The following TAOK3 variants were observed in gnomAD, a reference collection of about 807,000 sequenced individuals.
TAOK3 encodes the protein serine/threonine-protein kinase TAO3.
A neutral mutation model predicts 120.4 loss-of-function variants in TAOK3; 40 were observed. That is an observed-to-expected ratio of 0.33 (90% CI 0.26 to 0.43). The LOEUF (loss-of-function observed/expected upper bound fraction) is 0.43. TAOK3 is among the 20% of genes least tolerant of loss of function. TAOK3 has a pLI of 1.00. For synonymous variants in TAOK3, 355 were observed against 387.5 expected, an observed-to-expected ratio of 0.92 and a Z score of 0.99; for missense variants, 821 against 1,112.1, an observed-to-expected ratio of 0.74 and a Z score of 3.72.
At chr12:118,217,809 G>A (rs1446336907) in intron 9 of TAOK3, among the ~76,000 whole-genome samples, 9 of 76,296 alleles carry the variant, frequency 1.2e-4, no homozygotes, top group Admixed American at 9.6e-4. Flanking sequence ...GTGTGTGTGT[G>A]TGTATACATA....
At chr12:118,286,278 T>G (rs1264664211) in intron 1 of TAOK3, among the ~76,000 whole-genome samples, 3 of 152,158 alleles carry the variant, frequency 2.0e-5, no homozygotes, top group African/African-American at 7.2e-5. Flanking sequence ...AGAAGCTAGG[T>G]TGAATTCCTA....
chr12:118,196,097 A>AT lies in TAOK3; in HGVS notation c.1194+2953_1194+2954insA, dbSNP rs71069428. ...AATAAATAAATAAATAAATAAATAA[A>AT]AGGAAGTTTGGATTAGGATCCCCTC... is the stretch of plus-strand genomic sequence containing the variant. On this transcript the variant is annotated intron_variant, in intron 13 of 20. Coordinates refer to ENST00000392533, the MANE Select transcript of TAOK3 (RefSeq NM_016281.4). Among the ~76,000 whole-genome samples, 272 of 150,860 alleles carry AT rather than the reference A, an allele frequency of 1.8e-3. 1 individual carries two copies. Among genetic ancestry groups the AT allele is most frequent in the Non-Finnish European group, 3.2e-3 (214 of 67,578 alleles).
intron 13 of TAOK3, 84 bp downstream of exon 13, chr12:118,198,967 G>A: frequency 6.7e-7 from 1 of 1,500,816 alleles, no homozygotes; most frequent in Non-Finnish European, 9.3e-7. Context: ...AAAGGTAACT[G>A]AAACATCTGG....
chr12:118,362,648 T>C (rs922995775), intron 1 of TAOK3, among the ~76,000 whole-genome samples: 12 of 152,208 alleles, frequency 7.9e-5, no homozygotes, highest in Non-Finnish European at 1.8e-4. Flanking sequence ...TCCCAGGCTC[T>C]ACCTCTGACT....
rs2045320784 is a variant in TAOK3, at chr12:118,354,690, C to T, written c.-194+17958G>A. 2.6e-5 allele frequency among the ~76,000 whole-genome samples: 4 copies of T among 152,216 alleles called. No individual in the cohort carries two copies. The South Asian group carries it at 6.2e-4, about 24-fold the overall frequency. On this transcript the variant is annotated intron_variant, in intron 1 of 20. Transcript: ENST00000392533. ...TCTTTCCCGTGCTGTTCTTGTGATACAGTCTCATGAGATCTGATGGTTTTA... is the reference window on the plus strand; with the variant it reads ...TCTTTCCCGTGCTGTTCTTGTGATATAGTCTCATGAGATCTGATGGTTTTA...
At chr12:118,276,024 A>G (rs1203061970) in intron 1 of TAOK3, among the ~76,000 whole-genome samples, 3 of 152,196 alleles carry the variant, frequency 2.0e-5, no homozygotes, top group African/African-American at 7.2e-5. Flanking sequence ...GAGAAGAGAT[A>G]GGGCCTTTCA....
intron 1 of TAOK3, 48 bp from the exon 2 acceptor site, chr12:118,266,807 A>G: frequency 2.6e-6 from 1 of 391,666 alleles, no homozygotes; most frequent in Non-Finnish European, 4.5e-6. Context: ...CAAATTAAAG[A>G]ATCAATAATT....
intron 14 of TAOK3, among the ~76,000 whole-genome samples, chr12:118,188,923 AGT>A (rs35868707): frequency 0.011 from 1,733 of 150,974 alleles, 13 homozygotes; most frequent in Middle Eastern, 0.024. Flanking sequence ...AAACGATGTG[AGT>A]GTGTGTGTGT....
At chr12:118,316,207 A>T (rs2043451059) in intron 1 of TAOK3, among the ~76,000 whole-genome samples, 1 of 152,212 alleles carries the variant, frequency 6.6e-6, no homozygotes, top group Admixed American at 6.5e-5. Flanking sequence ...GAATCTAAAA[A>T]ATGGCCTAAT....
At chr12:118,217,833 A>G (rs1414967884) in intron 9 of TAOK3, among the ~76,000 whole-genome samples, 3,204 of 99,532 alleles carry the variant, frequency 0.032, 278 homozygotes, top group African/African-American at 0.042. Context: ...ATATATATAT[A>G]TATATATATA....
intron 1 of TAOK3, among the ~76,000 whole-genome samples, chr12:118,305,723 G>A (rs1253610128): frequency 6.6e-6 from 1 of 151,958 alleles, no homozygotes; most frequent in Non-Finnish European, 1.5e-5. Flanking sequence ...GACCATCATG[G>A]TGAAACCCCA....
At chr12:118,316,201 C>CT (rs2043450919) in intron 1 of TAOK3, among the ~76,000 whole-genome samples, 1 of 152,136 alleles carries the variant, frequency 6.6e-6, no homozygotes, top group Admixed American at 6.5e-5. Flanking sequence ...GAAAAGGAAT[C>CT]TAAAAAATGG....
chr12:118,332,362 C>T (rs1449634339), intron 1 of TAOK3, among the ~76,000 whole-genome samples: 3 of 152,042 alleles, frequency 2.0e-5, no homozygotes, highest in Non-Finnish European at 4.4e-5. Context: ...CTCAGATACT[C>T]TTGTTCCACT....
At chr12:118,212,743 C>T (rs895431095) in intron 11 of TAOK3, among the ~76,000 whole-genome samples, 171 bp downstream of exon 11, 30 of 152,160 alleles carry the variant, frequency 2.0e-4, no homozygotes, top group African/African-American at 6.0e-4. Context: ...TAGCACATAA[C>T]GTTGCAATAA....
At chr12:118,308,931 CAAAAAAAAAA>C (rs60574584) in intron 1 of TAOK3, among the ~76,000 whole-genome samples, 3 of 30,058 alleles carry the variant, frequency 1.0e-4, no homozygotes, top group East Asian at 1.3e-3. Flanking sequence ...ACTCTGTCTC[CAAAAAAAAAA>C]AAAAAAAAAA....
intron 1 of TAOK3, among the ~76,000 whole-genome samples, chr12:118,284,230 AT>A (rs2042189503): frequency 6.6e-6 from 1 of 152,224 alleles, no homozygotes; most frequent in Non-Finnish European, 1.5e-5. Flanking sequence ...AATTAAAAAT[AT>A]TTTTTGAAGA....
At chr12:118,323,594 G>A (rs1290697128) in intron 1 of TAOK3, among the ~76,000 whole-genome samples, 1 of 152,140 alleles carries the variant, frequency 6.6e-6, no homozygotes, top group Non-Finnish European at 1.5e-5. Context: ...GAAATAAGAT[G>A]ATAGCTTCAG....
chr12:118,192,285 C>A (rs1198624154), intron 13 of TAOK3, among the ~76,000 whole-genome samples: 1 of 152,104 alleles, frequency 6.6e-6, no homozygotes, highest in African/African-American at 2.4e-5. Flanking sequence ...TTAAGTAACT[C>A]AAGTATATTT....
At position 118,244,932 on chromosome 12, in the gene TAOK3, T is replaced by C. The variant is rs564531727; in HGVS notation, c.154A>G (p.Ile52Val). ...TTCCCACTATAGGACATCTTCTTAA[T>C]TGCCACCACCTCACTGGTGTGAGCA... is the stretch of plus-strand genomic sequence containing the variant. ...TNAHTSEVVA[I>V]KKMSYSGKQT... Residue 52 changes from isoleucine to valine, a missense_variant, in exon 4 of 21, where the codon ATT (isoleucine) becomes GTT (valine). Coordinates refer to ENST00000392533, the MANE Select transcript of TAOK3 (RefSeq NM_016281.4). 9.3e-5 allele frequency: 149 copies of C among 1,610,224 alleles called. No homozygotes were observed. In the South Asian group the frequency reaches 1.5e-3, roughly 16 times the overall value.
Sources: allele counts gnomAD v4.1 joint callset (sites outside exome capture counted in the v4.1 genomes callset), GRCh38; gene constraint gnomAD v4.1.1; transcripts MANE v1.5; gene names NCBI Gene and HGNC (gene_info 2026-07-23, HGNC 2026-07-21).